The following MAGEC3 variants were observed in gnomAD, a reference collection of about 807,000 sequenced individuals.
MAGEC3 encodes melanoma-associated antigen C3.
A neutral mutation model predicts 35.3 loss-of-function variants in MAGEC3; 34 were observed. The observed-to-expected ratio is 0.96, with a 90% confidence interval of 0.73 to 1.28. The LOEUF (loss-of-function observed/expected upper bound fraction) is 1.28. MAGEC3 is among the 50% of genes most tolerant of loss of function. The pLI, the probability that MAGEC3 is intolerant of heterozygous loss-of-function variation, is 0.00. For synonymous variants in MAGEC3, 202 were observed against 185.6 expected (o/e 1.09, Z -0.72); for missense variants, 561 against 483.6 (o/e 1.16, Z -1.50).
intron 4 of MAGEC3, among the ~76,000 whole-genome samples, chrX:141,889,732 C>G (rs1341399471): frequency 9.0e-6 from 1 of 111,438 alleles, no homozygotes; most frequent in Non-Finnish European, 1.9e-5. Context: ...TACCAATGGC[C>G]CAGAACCTTC....
intron 1 of MAGEC3, among the ~76,000 whole-genome samples, chrX:141,862,272 A>G (rs951929791): frequency 8.9e-6 from 1 of 111,940 alleles, no homozygotes; most frequent in African/African-American, 3.2e-5. Context: ...TTATGAAAAG[A>G]CAAAAAAAAA....
intron 7 of MAGEC3, 41 bp from the exon 8 acceptor site, chrX:141,897,588 C>T: frequency 8.3e-7 from 1 of 1,197,689 alleles, no homozygotes. Flanking sequence ...AGGTGCCCAA[C>T]AGTGCTCCTC....
chrX:141,854,533 T>C (rs1470935392), intron 1 of MAGEC3, among the ~76,000 whole-genome samples: 1 of 111,195 alleles, frequency 9.0e-6, no homozygotes, highest in Non-Finnish European at 1.9e-5. Flanking sequence ...AATGAATAAG[T>C]CTCAGGAGAT....
At chrX:141,859,043 A>AC (rs1009551895) in intron 1 of MAGEC3, among the ~76,000 whole-genome samples, 3 of 106,798 alleles carry the variant, frequency 2.8e-5, no homozygotes, top group South Asian at 4.1e-4. Flanking sequence ...CATATGACTA[A>AC]CCCCAAATGA....
intron 4 of MAGEC3, among the ~76,000 whole-genome samples, chrX:141,888,863 A>G (rs1330088557): frequency 5.4e-5 from 6 of 112,073 alleles, no homozygotes; most frequent in Admixed American, 2.8e-4. Context: ...ACCTTGTAGC[A>G]AGTTGATTAT....
intron 1 of MAGEC3, among the ~76,000 whole-genome samples, chrX:141,842,244 T>C (rs1183862522): frequency 8.9e-6 from 1 of 111,766 alleles, no homozygotes; most frequent in Non-Finnish European, 1.9e-5. Flanking sequence ...ATAAGATGTA[T>C]GCAACAATGA....
At chrX:141,871,814 G>A (rs150526182) in intron 2 of MAGEC3, among the ~76,000 whole-genome samples, 229 of 110,203 alleles carry the variant, frequency 2.1e-3, no homozygotes, top group African/African-American at 6.7e-3. Context: ...AATGGCAGGG[G>A]TTGTCTGACT....
chrX:141,866,999 G>C (rs186962594), intron 2 of MAGEC3, among the ~76,000 whole-genome samples: 12 of 109,946 alleles, frequency 1.1e-4, no homozygotes, highest in Non-Finnish European at 2.3e-4. Flanking sequence ...AAGAGAGAAA[G>C]TGATGAAATA....
chrX:141,894,613 C>T, intron 4 of MAGEC3: 2 of 952,587 alleles, frequency 2.1e-6, no homozygotes, highest in Non-Finnish European at 2.7e-6. Flanking sequence ...TTGAGGAAGA[C>T]TGAGGGGCCT....
chrX:141,847,794 AC>A (rs1363349617), intron 1 of MAGEC3, among the ~76,000 whole-genome samples: 6 of 111,392 alleles, frequency 5.4e-5, no homozygotes, highest in Admixed American at 4.8e-4. Flanking sequence ...CTCAACTTCT[AC>A]CTTCAGAAAT....
At position 141,897,217 on chromosome X, in the gene MAGEC3, A is replaced by C. The variant is rs140301536; in HGVS notation, c.1459A>C (p.Ile487Leu). The change falls in exon 7 of 8, where the codon ATC becomes CTC. Residue 487 changes from isoleucine (I) to leucine (L), a missense_variant. Physicochemically the swap from Ile to Leu is conservative, Grantham distance 5 (BLOSUM62 2). Transcript: ENST00000298296. ...VTKAEMLTTV[I>L]KKYKDYFPMI... The stretch of plus-strand genomic sequence containing the variant: ...AAAGGCAGAGATGCTGACGACTGTC[A>C]TCAAGAAGTATAAGGACTATTTTCC... The C allele has an allele frequency of 9.9e-6, 12 of 1,210,728 alleles. No homozygotes were observed. The African/African-American group carries it at 1.9e-4, about 19-fold the overall frequency.
intron 1 of MAGEC3, among the ~76,000 whole-genome samples, chrX:141,853,853 T>A (rs906779711): frequency 1.8e-5 from 2 of 111,307 alleles, no homozygotes; most frequent in Admixed American, 9.6e-5. Flanking sequence ...TGATTCTTTT[T>A]TTGCCAATAG....
chrX:141,882,214 G>A (rs183542940), intron 4 of MAGEC3, among the ~76,000 whole-genome samples: 229 of 111,726 alleles, frequency 2.0e-3, no homozygotes, highest in African/African-American at 6.7e-3. Flanking sequence ...TGGAGGGCCC[G>A]GGTGGGGCTT....
chrX:141,845,551 G>A (rs1030112343), intron 1 of MAGEC3, among the ~76,000 whole-genome samples: 4 of 111,192 alleles, frequency 3.6e-5, no homozygotes, highest in African/African-American at 1.3e-4. Flanking sequence ...AATGTATTAA[G>A]TGAATATATC....
In MAGEC3 at chrX:141,877,046, A is replaced by ACTC. The variant is rs956021215; in HGVS notation, c.259-2129_259-2128insCTC. 3.6e-5 allele frequency among the ~76,000 whole-genome samples: 4 copies of ACTC among 112,330 alleles called. No homozygotes were observed. In the East Asian group the frequency reaches 1.1e-3, roughly 32 times the overall value. ...TGTCTTTATATTTTAGAATCAGGTGATTCACACATGCCTTCATGTCCAAAG... is the reference window on the plus strand; with the variant it reads ...TGTCTTTATATTTTAGAATCAGGTGACTCTTCACACATGCCTTCATGTCCAAAG... On this transcript the variant is annotated intron_variant, in intron 2 of 7. Transcript: ENST00000298296.
chrX:141,892,251 T>A (rs1218059350), intron 4 of MAGEC3, among the ~76,000 whole-genome samples: 2 of 112,067 alleles, frequency 1.8e-5, no homozygotes, highest in African/African-American at 6.5e-5. Context: ...GATCGTTCCA[T>A]GACAGCACAA....
At chrX:141,877,724 G>A (rs1255441957) in intron 2 of MAGEC3, among the ~76,000 whole-genome samples, 1 of 111,592 alleles carries the variant, frequency 9.0e-6, no homozygotes, top group African/African-American at 3.3e-5. Context: ...AGATGTATCT[G>A]TTGTAGGTTT....
At chrX:141,849,046 A>G (rs2017734561) in intron 1 of MAGEC3, among the ~76,000 whole-genome samples, 1 of 111,498 alleles carries the variant, frequency 9.0e-6, no homozygotes, top group African/African-American at 3.3e-5. Flanking sequence ...CAATAACCAA[A>G]AAAACATGGT....
rs147768568 is a variant in MAGEC3 at position 141,877,193 on chromosome X, G to T, written c.259-1982G>T. The stretch of plus-strand genomic sequence containing the variant: ...ATTTATTTTATTTTATGTTCAGGTA[G>T]GTCTTTGTTAATATGCCTCAACAGC... On this transcript the variant is annotated intron_variant, in intron 2 of 7. Transcript: ENST00000298296. Among the ~76,000 whole-genome samples the T allele has an allele frequency of 4.0e-3, 451 of 111,412 alleles. 3 individuals carry two copies. Among genetic ancestry groups the T allele is most frequent in the African/African-American group, 0.014 (430 of 30,707 alleles).
Sources: allele counts gnomAD v4.1 joint callset (sites outside exome capture counted in the v4.1 genomes callset), GRCh38; gene constraint gnomAD v4.1.1; transcripts MANE v1.5; gene names NCBI Gene and HGNC (gene_info 2026-07-23, HGNC 2026-07-21).